Variants in DISC1 observed in about 807,000 individuals in gnomAD.
The protein encoded by DISC1 is disrupted in schizophrenia 1 protein.
A neutral mutation model predicts 84.5 loss-of-function variants in DISC1; 57 were observed. The observed-to-expected ratio is 0.67, with a 90% CI of 0.55 to 0.84. The LOEUF (loss-of-function observed/expected upper bound fraction) is 0.84, where lower values mean the gene tolerates loss of function less well. Ranked by LOEUF, DISC1 falls within the 40% of genes least tolerant of loss-of-function variation. DISC1 has a pLI of 0.00. For missense variants in DISC1, 1,000 were observed against 1,057.8 expected (o/e 0.95, Z 0.76); for synonymous variants, 411 against 415.2 (o/e 0.99, Z 0.12).
At chr1:231,998,718 A>G (rs1203050351) in intron 10 of DISC1, among the ~76,000 whole-genome samples, 1 of 152,044 alleles carries the variant, frequency 6.6e-6, no homozygotes, top group Non-Finnish European at 1.5e-5. Flanking sequence ...GTATTTCAAG[A>G]AGATGAAAAG....
At chr1:232,022,517 A>T (rs1005597179) in intron 11 of DISC1, among the ~76,000 whole-genome samples, 27 of 152,086 alleles carry the variant, frequency 1.8e-4, no homozygotes, top group African/African-American at 6.3e-4. Flanking sequence ...CATGTTGGCC[A>T]GGATGGTCTC....
At chr1:231,658,407 G>T (rs1325025385) in intron 1 of DISC1, among the ~76,000 whole-genome samples, 1 of 152,088 alleles carries the variant, frequency 6.6e-6, no homozygotes, top group Non-Finnish European at 1.5e-5. Flanking sequence ...CTAGATATAG[G>T]ATCATGTCAT....
intron 6 of DISC1, among the ~76,000 whole-genome samples, chr1:231,777,856 C>T (rs1213648558): frequency 2.6e-5 from 4 of 152,178 alleles, no homozygotes; most frequent in Non-Finnish European, 5.9e-5. Flanking sequence ...TTTTTATGCC[C>T]ATTTTGCAGA....
At chr1:231,682,493 C>T (rs905401895) in intron 1 of DISC1, among the ~76,000 whole-genome samples, 2 of 152,142 alleles carry the variant, frequency 1.3e-5, no homozygotes, top group African/African-American at 4.8e-5. Flanking sequence ...CTCATCTATC[C>T]TTCCAGCAAT....
At chr1:231,859,897 C>T (rs932157658) in intron 9 of DISC1, among the ~76,000 whole-genome samples, 2 of 152,122 alleles carry the variant, frequency 1.3e-5, no homozygotes, top group African/African-American at 4.8e-5. Context: ...TGGGGCTCCT[C>T]TTTCCCATCC....
chr1:231,751,946 A>G (rs2074645367), intron 4 of DISC1, among the ~76,000 whole-genome samples: 1 of 152,224 alleles, frequency 6.6e-6, no homozygotes, highest in Non-Finnish European at 1.5e-5. Flanking sequence ...ATGTATAGAG[A>G]TCTGTATCTA....
intron 10 of DISC1, among the ~76,000 whole-genome samples, chr1:231,988,608 A>AT (rs1664781253): frequency 6.6e-6 from 1 of 152,162 alleles, no homozygotes. Context: ...ACCTGCAAGA[A>AT]ATTGGGAACT....
Position 231,974,882 on chromosome 1 carries a change from C to T in DISC1, c.2042+15994C>T, listed in dbSNP as rs562062718. 3.9e-4 allele frequency among the ~76,000 whole-genome samples: 59 copies of T among 152,254 alleles called. 1 individual carries two copies. In the South Asian group the frequency reaches 0.01, roughly 26 times the overall value. On this transcript the variant is annotated intron_variant, in intron 10 of 12. Coordinates refer to ENST00000439617, the MANE Select transcript of DISC1 (RefSeq NM_018662.3). Reference sequence around the variant, plus strand: ...TTGGGAGGCTGAGGCTGGCAGATCACGAGGTCAAGAGATCAAGACCATCCT... The same window carrying T: ...TTGGGAGGCTGAGGCTGGCAGATCATGAGGTCAAGAGATCAAGACCATCCT...
chr1:231,776,608 G>A (rs1430158525), intron 6 of DISC1, among the ~76,000 whole-genome samples: 4 of 152,130 alleles, frequency 2.6e-5, no homozygotes, highest in Non-Finnish European at 5.9e-5. Flanking sequence ...GCTCCCTGGC[G>A]GGGGGCACTG....
chr1:231,785,245 G>GAT (rs2077744808), intron 6 of DISC1, among the ~76,000 whole-genome samples: 1 of 84,098 alleles, frequency 1.2e-5, no homozygotes, highest in Non-Finnish European at 2.7e-5. Context: ...GTGTGTGTGT[G>GAT]TGTGTGTGTT....
At chr1:231,869,247 C>T (rs2085285183) in intron 9 of DISC1, among the ~76,000 whole-genome samples, 1 of 152,080 alleles carries the variant, frequency 6.6e-6, no homozygotes, top group Non-Finnish European at 1.5e-5. Context: ...GATATACAAC[C>T]ACCGGGGAGT....
chr1:231,638,473 C>T lies in DISC1; in HGVS notation c.67+11539C>T, dbSNP rs193216908. Among the ~76,000 whole-genome samples, 51 of 152,014 alleles carry T rather than the reference C, an allele frequency of 3.4e-4. 1 individual carries two copies. The East Asian group carries it at 9.7e-3, about 29-fold the overall frequency. On this transcript the variant is annotated intron_variant, in intron 1 of 12. Coordinates refer to ENST00000439617, the MANE Select transcript of DISC1 (RefSeq NM_018662.3). ...TTCTAGTATGTTTATAGTTTTGGGT[C>T]TTATTTATAAGACTTTAATTCATCT...
In DISC1 at chr1:231,838,344, A is replaced by G. The variant is rs534062960; in HGVS notation, c.1981+19827A>G. Among the ~76,000 whole-genome samples, 3 of 151,996 alleles carry G rather than the reference A, an allele frequency of 2.0e-5. No homozygotes were observed. The South Asian group carries it at 6.3e-4, about 32-fold the overall frequency. Reference sequence around the variant, plus strand: ...TTCAGGTTTTCCAGAGGAAAGGATGACTCCATGTTCCTCAAGGAACTTTCC... The same window carrying G: ...TTCAGGTTTTCCAGAGGAAAGGATGGCTCCATGTTCCTCAAGGAACTTTCC... On this transcript the variant is annotated intron_variant, in intron 9 of 12. Transcript: ENST00000439617.
At chr1:231,987,180 T>A (rs1292516336) in intron 10 of DISC1, among the ~76,000 whole-genome samples, 1 of 152,264 alleles carries the variant, frequency 6.6e-6, no homozygotes, top group Non-Finnish European at 1.5e-5. Context: ...GTGCTATTTT[T>A]AGACTTCAAT....
intron 1 of DISC1, among the ~76,000 whole-genome samples, chr1:231,655,326 T>G (rs1432254936): frequency 6.6e-6 from 1 of 152,152 alleles, no homozygotes; most frequent in Non-Finnish European, 1.5e-5. Flanking sequence ...TTAGCTCCCA[T>G]TTACCAATGA....
In DISC1 at chr1:232,039,676, T is replaced by C. The variant is rs1013838199; in HGVS notation, c.*2845T>C. 2 of 152,148 alleles carry C rather than the reference T, an allele frequency of 1.3e-5. No homozygotes were observed. The highest frequency in any genetic ancestry group is 2.9e-5 in the Non-Finnish European group (2 of 68,032). The allele number at this position is 152,148 out of a possible 1,614,324, so 9.4% of individuals were successfully genotyped here. On this transcript the variant is annotated 3_prime_UTR_variant, in exon 13 of 13. Transcript: ENST00000439617. ...GAGACACAGGACTGTGTATCCTCAATCATACTATACAGCAGTTTTTGTCAG... is the reference window on the plus strand; with the variant it reads ...GAGACACAGGACTGTGTATCCTCAACCATACTATACAGCAGTTTTTGTCAG...
chr1:231,694,732 C>G lies in DISC1; in HGVS notation c.974C>G (p.Ser325Cys). ...DGSSGSGDAH[S>C]WDTLLRKWEP... ...AGCAGCGGCTCAGGGGATGCCCACT[C>G]TTGGGACACCCTGCTCAGGAAATGG... Residue 325 changes from serine to cysteine, a missense_variant, in exon 2 of 13, where the codon TCT becomes TGT. Transcript: ENST00000439617. The G allele has an allele frequency of 6.2e-7, 1 of 1,614,148 alleles. No homozygotes were observed. The highest frequency in any genetic ancestry group is 8.5e-7 in the Non-Finnish European group (1 of 1,180,056).
intron 1 of DISC1, among the ~76,000 whole-genome samples, chr1:231,631,119 T>C (rs1048625983): frequency 9.2e-5 from 14 of 152,210 alleles, no homozygotes; most frequent in African/African-American, 3.4e-4. Context: ...ACAGAACTTA[T>C]TGTCAGATGA....
At chr1:231,863,829 C>T (rs899146792) in intron 9 of DISC1, among the ~76,000 whole-genome samples, 3 of 152,168 alleles carry the variant, frequency 2.0e-5, no homozygotes, top group Non-Finnish European at 4.4e-5. Flanking sequence ...TCTCCAGGAA[C>T]AATGTGGAGG....
Sources: allele counts gnomAD v4.1 joint callset (sites outside exome capture counted in the v4.1 genomes callset), GRCh38; gene constraint gnomAD v4.1.1; transcripts MANE v1.5; gene names NCBI Gene and HGNC (gene_info 2026-07-23, HGNC 2026-07-21).